JARID2: variants seen among roughly 807,000 people sequenced by gnomAD.
The protein encoded by JARID2 is jumonji and AT-rich interaction domain containing 2.
Under a neutral mutation model 125.6 loss-of-function variants are expected in JARID2, and 21 were observed. The observed-to-expected ratio is 0.17, with a 90% CI of 0.12 to 0.24. The LOEUF (loss-of-function observed/expected upper bound fraction) is 0.24. JARID2 is among the 10% of genes least tolerant of loss of function. JARID2 has a pLI of 1.00. For synonymous variants in JARID2, 736 were observed against 661.6 expected, an observed-to-expected ratio of 1.11 and a Z score of -1.73; for missense variants, 1,303 against 1,639.6, an observed-to-expected ratio of 0.79 and a Z score of 3.55.
chr6:15,268,609 G>A (rs1447158205), intron 1 of JARID2, among the ~76,000 whole-genome samples: 2 of 152,174 alleles, frequency 1.3e-5, no homozygotes, highest in Non-Finnish European at 2.9e-5. Context: ...ACAAGCCTCC[G>A]AAGGCCTCTG....
intron 1 of JARID2, among the ~76,000 whole-genome samples, chr6:15,269,034 G>A (rs12111494): frequency 6.6e-6 from 1 of 152,174 alleles, no homozygotes; most frequent in Non-Finnish European, 1.5e-5. Flanking sequence ...TACTTGTCTG[G>A]TGTGTGCTTG....
intron 2 of JARID2, among the ~76,000 whole-genome samples, chr6:15,376,816 T>C (rs1037125522): frequency 6.6e-6 from 1 of 152,162 alleles, no homozygotes; most frequent in African/African-American, 2.4e-5. Flanking sequence ...AAAACAGAAT[T>C]GGTATCATGG....
At chr6:15,410,514 C>T (rs1218457785) in intron 3 of JARID2, 149 bp downstream of exon 3, 1 of 741,050 alleles carries the variant, frequency 1.3e-6, no homozygotes, top group Non-Finnish European at 2.2e-6. Context: ...GTATCAAATG[C>T]CCTGCTTTCT....
intron 6 of JARID2, among the ~76,000 whole-genome samples, 162 bp from the exon 7 acceptor site, chr6:15,495,970 C>G (rs968313535): frequency 6.6e-6 from 1 of 152,210 alleles, no homozygotes; most frequent in South Asian, 2.1e-4. Context: ...GTGTATTTTG[C>G]TTCTCTTTGC....
At chr6:15,437,083 C>T (rs1033338704) in intron 3 of JARID2, among the ~76,000 whole-genome samples, 3 of 152,246 alleles carry the variant, frequency 2.0e-5, no homozygotes, top group African/African-American at 7.2e-5. Flanking sequence ...TAGATTCTAC[C>T]TGGAAGCACA....
rs74857385 is a variant in JARID2 at position 15,500,001 on chromosome 6, C to G, written c.1946-906C>G. Among the ~76,000 whole-genome samples the G allele has an allele frequency of 4.3e-3, 660 of 152,294 alleles. 2 individuals carry two copies. The highest frequency in any genetic ancestry group is 0.015 in the African/African-American group (612 of 41,552). ...TTTATTACTTAAAAACAATATATCC[C>G]CACACTCTAAAGATTTAAAACGTTG... On this transcript the variant is annotated intron_variant, in intron 7 of 17. Transcript: ENST00000341776.
chr6:15,384,754 C>G (rs957020660), intron 2 of JARID2, among the ~76,000 whole-genome samples: 1 of 152,084 alleles, frequency 6.6e-6, no homozygotes, highest in South Asian at 2.1e-4. Flanking sequence ...CCATCATGTC[C>G]AGCAAATAGA....
chr6:15,445,159 T>G (rs1767620314), intron 3 of JARID2, among the ~76,000 whole-genome samples: 1 of 152,220 alleles, frequency 6.6e-6, no homozygotes, highest in Non-Finnish European at 1.5e-5. Context: ...GGAGAAACAG[T>G]GCCACCCTTG....
chr6:15,255,757 C>G (rs985656300), intron 1 of JARID2, among the ~76,000 whole-genome samples: 4 of 152,178 alleles, frequency 2.6e-5, no homozygotes, highest in African/African-American at 9.6e-5. Flanking sequence ...GCATTTAGTC[C>G]TTCTATAGGT....
chr6:15,487,637 GC>G, intron 6 of JARID2, 95 bp downstream of exon 6: 1 of 1,127,560 alleles, frequency 8.9e-7, no homozygotes, highest in Non-Finnish European at 1.2e-6. Flanking sequence ...GGCTCAAGAA[GC>G]AGGAGGTGAT....
chr6:15,470,693 G>T (rs1220696870), intron 5 of JARID2, among the ~76,000 whole-genome samples: 1 of 137,240 alleles, frequency 7.3e-6, no homozygotes, highest in Non-Finnish European at 1.6e-5. Flanking sequence ...TCGGGAAAAG[G>T]TTGTTACCTG....
At chr6:15,293,173 A>G (rs369878734) in intron 1 of JARID2, among the ~76,000 whole-genome samples, 9 of 152,222 alleles carry the variant, frequency 5.9e-5, no homozygotes, top group African/African-American at 2.2e-4. Context: ...GCTTATGCCA[A>G]GTTGCAGTAG....
chr6:15,341,200 A>G (rs908826511), intron 1 of JARID2, among the ~76,000 whole-genome samples: 33 of 152,330 alleles, frequency 2.2e-4, no homozygotes, highest in Non-Finnish European at 2.9e-4. Context: ...TAAAAAATTC[A>G]TGCAGAAATA....
intron 6 of JARID2, among the ~76,000 whole-genome samples, chr6:15,491,962 G>A (rs56381700): frequency 0.14 from 21,900 of 152,228 alleles, 1,709 homozygotes; most frequent in African/African-American, 0.17. Context: ...AGAAGAATGA[G>A]GTATTGTTGC....
At chr6:15,374,861 T>G (rs2127517031) in intron 2 of JARID2, among the ~76,000 whole-genome samples, 1 of 152,248 alleles carries the variant, frequency 6.6e-6, no homozygotes, top group East Asian at 1.9e-4. Flanking sequence ...AGAAAGTATC[T>G]GAGGACAAAC....
chr6:15,299,622 A>C (rs1408226746), intron 1 of JARID2, among the ~76,000 whole-genome samples: 1 of 152,112 alleles, frequency 6.6e-6, no homozygotes, highest in Non-Finnish European at 1.5e-5. Context: ...GGAAATAAGA[A>C]GACTGCCAAA....
At chr6:15,353,577 T>G (rs1481774157) in intron 1 of JARID2, among the ~76,000 whole-genome samples, 2 of 152,176 alleles carry the variant, frequency 1.3e-5, no homozygotes, top group Non-Finnish European at 2.9e-5. Flanking sequence ...AATTAAGTGT[T>G]CTAGTAATAA....
At chr6:15,325,709 C>T (rs1277519723) in intron 1 of JARID2, among the ~76,000 whole-genome samples, 1 of 152,102 alleles carries the variant, frequency 6.6e-6, no homozygotes, top group Non-Finnish European at 1.5e-5. Context: ...TCTAGGGATC[C>T]CTAGATCATA....
chr6:15,253,178 C>T (rs1489516112), intron 1 of JARID2, among the ~76,000 whole-genome samples: 2 of 152,096 alleles, frequency 1.3e-5, no homozygotes, highest in African/African-American at 4.8e-5. Flanking sequence ...ATTCTCCCGC[C>T]TCAGCCTCCC....
Sources: allele counts gnomAD v4.1 joint callset (sites outside exome capture counted in the v4.1 genomes callset), GRCh38; gene constraint gnomAD v4.1.1; transcripts MANE v1.5; gene names NCBI Gene and HGNC (gene_info 2026-07-23, HGNC 2026-07-21).